The following RAPGEF2 variants were observed in gnomAD, a reference collection of about 807,000 sequenced individuals.
RAPGEF2 encodes the protein PDZ domain containing guanine nucleotide exchange factor (GEF) 1.
In RAPGEF2, 54 loss-of-function variants were observed where a neutral mutation model predicts 186.7. The ratio of observed to expected loss-of-function variants is 0.29; its 90% CI spans 0.23 to 0.36. RAPGEF2 has a LOEUF of 0.36. RAPGEF2 is among the 10% of genes least tolerant of loss of function. RAPGEF2 has a pLI of 1.00. For missense variants in RAPGEF2, 1,532 were observed against 2,045.0 expected, an observed-to-expected ratio of 0.75 and a Z score of 4.84; for synonymous variants, 712 against 705.9, an observed-to-expected ratio of 1.01 and a Z score of -0.14.
rs147217435 is a variant in RAPGEF2, at chr4:159,236,322, G to A, written c.282-2487G>A. On this transcript the variant is annotated intron_variant, in intron 4 of 29. Coordinates refer to ENST00000691494, the MANE Select transcript of RAPGEF2 (RefSeq NM_001394067.2). ...TAAACTTTTCATCCCCAAAGTAATAGTGTGCTAGTGCAACTTGAAGTGTGA... is the reference window on the plus strand; with the variant it reads ...TAAACTTTTCATCCCCAAAGTAATAATGTGCTAGTGCAACTTGAAGTGTGA... Among the ~76,000 whole-genome samples the A allele has an allele frequency of 3.6e-3, 543 of 152,278 alleles. 4 individuals are homozygous for A. The highest frequency in any genetic ancestry group is 0.012 in the African/African-American group (508 of 41,534).
chr4:159,149,272 C>CT (rs1561013683), intron 1 of RAPGEF2, among the ~76,000 whole-genome samples: 1 of 152,026 alleles, frequency 6.6e-6, no homozygotes, highest in Admixed American at 6.6e-5. Flanking sequence ...TGTTTGTTTG[C>CT]TTTTTTGAGA....
chr4:159,177,725 C>T (rs1405389209), intron 1 of RAPGEF2, among the ~76,000 whole-genome samples: 2 of 152,184 alleles, frequency 1.3e-5, no homozygotes, highest in East Asian at 3.8e-4. Context: ...TGCAGAACTT[C>T]CCCTTTTCTG....
chr4:159,156,836 C>T (rs1231572862), intron 1 of RAPGEF2, among the ~76,000 whole-genome samples: 2 of 152,046 alleles, frequency 1.3e-5, no homozygotes, highest in Non-Finnish European at 2.9e-5. Context: ...TAAGAAAAAC[C>T]CCCAAACCCA....
intron 1 of RAPGEF2, among the ~76,000 whole-genome samples, chr4:159,133,026 A>T (rs1246083989): frequency 6.6e-6 from 1 of 152,098 alleles, no homozygotes; most frequent in African/African-American, 2.4e-5. Flanking sequence ...CTTCCCAAAA[A>T]TTAAAAAAAT....
chr4:159,135,397 A>G lies in RAPGEF2; in HGVS notation c.69+31166A>G, dbSNP rs114874170. 9.2e-3 allele frequency among the ~76,000 whole-genome samples: 1,407 copies of G among 152,134 alleles called. 24 individuals are homozygous for G. Among genetic ancestry groups the G allele is most frequent in the African/African-American group, 0.03 (1,236 of 41,498 alleles). On this transcript the variant is annotated intron_variant, in intron 1 of 29. Coordinates refer to ENST00000691494, the MANE Select transcript of RAPGEF2 (RefSeq NM_001394067.2). The stretch of plus-strand genomic sequence containing the variant: ...AATATTCCATTATATAGATAATACT[A>G]TGTTTTGTGTATTCATTCATCAGTT...
intron 1 of RAPGEF2, among the ~76,000 whole-genome samples, chr4:159,130,814 G>A (rs1036500000): frequency 2.6e-5 from 4 of 151,266 alleles, no homozygotes; most frequent in African/African-American, 9.7e-5. Flanking sequence ...AGGCTCAGGT[G>A]TCCTCCCACC....
intron 1 of RAPGEF2, among the ~76,000 whole-genome samples, chr4:159,161,755 ATAGT>A (rs1472100388): frequency 1.3e-5 from 2 of 152,210 alleles, no homozygotes; most frequent in East Asian, 1.9e-4. Context: ...GGCAGTTATG[ATAGT>A]TAATCACAGC....
At chr4:159,198,376 T>TTTAC (rs145232208) in intron 3 of RAPGEF2, among the ~76,000 whole-genome samples, 1 of 125,484 alleles carries the variant, frequency 8.0e-6, no homozygotes, top group Non-Finnish European at 1.7e-5. Flanking sequence ...TTTTTCTTTC[T>TTTAC]TTCCTTCCTT....
At chr4:159,338,968 T>G (rs1043221049) in intron 18 of RAPGEF2, 146 bp from the exon 19 acceptor site, 3 of 958,796 alleles carry the variant, frequency 3.1e-6, no homozygotes, top group Non-Finnish European at 4.6e-6. Flanking sequence ...TGTAGATTGA[T>G]TCTTTGAGGA....
chr4:159,149,027 T>G (rs973545454), intron 1 of RAPGEF2, among the ~76,000 whole-genome samples: 19 of 152,228 alleles, frequency 1.2e-4, no homozygotes, highest in African/African-American at 4.3e-4. Flanking sequence ...CTTGCCTCTC[T>G]AAGGCTGGAA....
rs145951095 is a variant in RAPGEF2 at position 159,304,616 on chromosome 4, C to T, written c.675+143C>T. On this transcript the variant is annotated intron_variant, in intron 8 of 29. Transcript: ENST00000691494. ...GTACATAAAATATTAATGTTTATTTCGTATATGTTATTTTTAGGGTGTAGA... is the reference window on the plus strand; with the variant it reads ...GTACATAAAATATTAATGTTTATTTTGTATATGTTATTTTTAGGGTGTAGA... The T allele has an allele frequency of 1.5e-3, 1,088 of 746,216 alleles. 7 individuals are homozygous for T. In the East Asian group the frequency reaches 0.016, roughly 11 times the overall value. 46.2% of individuals were successfully genotyped at this position (746,216 alleles called of 1,614,324 possible).
chr4:159,327,416 G>C (rs1340782509), intron 11 of RAPGEF2: 2 of 150,594 alleles, frequency 1.3e-5, no homozygotes, highest in African/African-American at 4.9e-5. Flanking sequence ...TGTAATCCCA[G>C]CACTTGGGAG....
chr4:159,270,574 A>G (rs966173188), intron 7 of RAPGEF2, among the ~76,000 whole-genome samples: 2 of 152,158 alleles, frequency 1.3e-5, no homozygotes, highest in African/African-American at 2.4e-5. Flanking sequence ...ATGATTAGGC[A>G]CAAATAGTAA....
Position 159,353,517 on chromosome 4 carries a change from C to T in RAPGEF2, c.4122C>T (p.Gly1374=). Residue 1374 remains glycine, a synonymous_variant, in exon 28 of 30, where the codon GGC becomes GGT. Coordinates refer to ENST00000691494, the MANE Select transcript of RAPGEF2 (RefSeq NM_001394067.2). This position sits in a 1 kb window ranked among gnomAD's most constrained non-coding sequence, Gnocchi z 4.3. ...GSYAPMSEGR[G]LYATATVISS... ...ATGCACCAATGTCCGAGGGCCGAGGCTTATATGCTACAGCTACAGTAATTT... is the reference window on the plus strand; with the variant it reads ...ATGCACCAATGTCCGAGGGCCGAGGTTTATATGCTACAGCTACAGTAATTT... 1 of 1,518,440 alleles carries T rather than the reference C, an allele frequency of 6.6e-7. No homozygotes were observed. Among genetic ancestry groups the T allele is most frequent in the Non-Finnish European group, 8.8e-7 (1 of 1,135,712 alleles). 94.1% of individuals were successfully genotyped at this position (1,518,440 alleles called of 1,614,324 possible).
chr4:159,207,068 A>AT (rs1750064560), intron 3 of RAPGEF2, among the ~76,000 whole-genome samples: 1 of 152,244 alleles, frequency 6.6e-6, no homozygotes, highest in Non-Finnish European at 1.5e-5. Context: ...TGAATTTAAT[A>AT]AATGTTGATT....
intron 4 of RAPGEF2, among the ~76,000 whole-genome samples, chr4:159,213,184 G>T (rs76712218): frequency 6.6e-6 from 1 of 152,258 alleles, no homozygotes; most frequent in African/African-American, 2.4e-5. Flanking sequence ...TTTCCTTTGG[G>T]GATGTTGCCT....
chr4:159,104,528 GA>G (rs1737616575), intron 1 of RAPGEF2, among the ~76,000 whole-genome samples: 2 of 97,298 alleles, frequency 2.1e-5, no homozygotes, highest in African/African-American at 4.6e-5. Context: ...GAGAGAGAGG[GA>G]GAGACAGAGA....
chr4:159,188,702 T>C (rs962582758), intron 2 of RAPGEF2, among the ~76,000 whole-genome samples: 2 of 150,770 alleles, frequency 1.3e-5, no homozygotes, highest in Non-Finnish European at 3.0e-5. Context: ...AGAAAAGGTA[T>C]AAAAATACTA....
chr4:159,343,262 C>T lies in RAPGEF2; in HGVS notation c.3131-19C>T, dbSNP rs781402228. ...AATAAATGCCATGTGATTTCCTTTT[C>T]CTCCTCTGTCAATTTCAGGAAATGA... On this transcript the variant is annotated intron_variant, in intron 21 of 29. Coordinates refer to ENST00000691494, the MANE Select transcript of RAPGEF2 (RefSeq NM_001394067.2). The T allele has an allele frequency of 1.9e-6, 3 of 1,613,894 alleles. No individual in the cohort carries two copies. The highest frequency in any genetic ancestry group is 1.7e-5 in the Admixed American group (1 of 59,994).
Sources: gnomAD v4.1 joint callset for allele counts (sites outside exome capture counted in the v4.1 genomes callset) on GRCh38, gnomAD v4.1.1 for gene constraint, Gnocchi (gnomAD v3.1) non-coding constraint, MANE v1.5 for transcripts, NCBI Gene and HGNC (gene_info 2026-07-23, HGNC 2026-07-21) for gene names.